Variants in AGBL4 observed in about 807,000 individuals in gnomAD.
AGBL4 encodes the protein cytosolic carboxypeptidase 6.
In AGBL4, 58 loss-of-function variants were observed where a neutral mutation model predicts 66.4. The observed-to-expected ratio is 0.87, with a 90% CI of 0.71 to 1.09. AGBL4 has a LOEUF of 1.09. Ranked by LOEUF, AGBL4 falls within the 50% of genes least tolerant of loss-of-function variation. AGBL4 has a pLI of 0.00. For missense variants in AGBL4, 579 were observed against 631.0 expected (o/e 0.92, Z 0.88); for synonymous variants, 234 against 222.9 (o/e 1.05, Z -0.44).
intron 5 of AGBL4, among the ~76,000 whole-genome samples, chr1:48,921,635 C>T (rs1654085919): frequency 6.6e-6 from 1 of 152,102 alleles, no homozygotes; most frequent in Non-Finnish European, 1.5e-5. Context: ...ATAATATTAA[C>T]AGTATAATCA....
chr1:48,751,039 T>C (rs1651655016), intron 6 of AGBL4, among the ~76,000 whole-genome samples: 1 of 152,226 alleles, frequency 6.6e-6, no homozygotes, highest in Admixed American at 6.5e-5. Flanking sequence ...ATAGCATTCA[T>C]GAAATCCTAT....
intron 3 of AGBL4, among the ~76,000 whole-genome samples, chr1:49,682,795 G>A (rs917852560): frequency 3.9e-5 from 6 of 152,198 alleles, no homozygotes; most frequent in African/African-American, 9.6e-5. Flanking sequence ...ACTGGGCTTC[G>A]CAAATTATGT....
intron 3 of AGBL4, among the ~76,000 whole-genome samples, chr1:49,396,019 T>C (rs1233797723): frequency 6.6e-6 from 1 of 151,412 alleles, no homozygotes; most frequent in Non-Finnish European, 1.5e-5. Context: ...ACCCAGTGTC[T>C]ACATCAACCA....
intron 1 of AGBL4, among the ~76,000 whole-genome samples, chr1:49,943,299 C>T (rs761671585): frequency 1.3e-5 from 2 of 152,136 alleles, no homozygotes; most frequent in Non-Finnish European, 2.9e-5. Flanking sequence ...TTGCAGTTCC[C>T]ACTCCGATGG....
intron 1 of AGBL4, among the ~76,000 whole-genome samples, chr1:49,961,389 T>C (rs1404838899): frequency 2.0e-5 from 3 of 151,922 alleles, no homozygotes; most frequent in Admixed American, 6.6e-5. Flanking sequence ...CCTCTAGTCC[T>C]AGTTACCTGA....
intron 6 of AGBL4, among the ~76,000 whole-genome samples, chr1:48,848,620 T>C (rs1237774364): frequency 6.6e-6 from 1 of 152,172 alleles, no homozygotes; most frequent in Non-Finnish European, 1.5e-5. Context: ...ACCTGCAAAA[T>C]AACATGCTGA....
At chr1:49,834,356 T>C (rs1223518549) in intron 2 of AGBL4, among the ~76,000 whole-genome samples, 1 of 152,354 alleles carries the variant, frequency 6.6e-6, no homozygotes, top group East Asian at 1.9e-4. Context: ...CTAGATATTC[T>C]AATTTATTTG....
intron 3 of AGBL4, among the ~76,000 whole-genome samples, chr1:49,666,048 G>A (rs1027413166): frequency 2.0e-5 from 3 of 150,136 alleles, no homozygotes; most frequent in Admixed American, 6.7e-5. Flanking sequence ...GGCTGAACTC[G>A]AACACCTGGC....
intron 5 of AGBL4, among the ~76,000 whole-genome samples, chr1:48,972,443 T>C (rs923163318): frequency 2.0e-5 from 3 of 152,186 alleles, no homozygotes; most frequent in Non-Finnish European, 2.9e-5. Context: ...ATTTTTTGTA[T>C]GCCTGCTCTA....
At chr1:48,875,529 T>C (rs1458993221) in intron 5 of AGBL4, among the ~76,000 whole-genome samples, 2 of 152,180 alleles carry the variant, frequency 1.3e-5, no homozygotes, top group African/African-American at 2.4e-5. Context: ...CATGTGAGAT[T>C]GCTTCAATAT....
At position 49,696,580 on chromosome 1, in the gene AGBL4, T is replaced by C. The variant is rs548450229; in HGVS notation, c.282+733A>G. ...TATAAAATTACTTCCAGGCTATGTATACAAGATGTATATGAAATATAAATG... is the reference window on the plus strand; with the variant it reads ...TATAAAATTACTTCCAGGCTATGTACACAAGATGTATATGAAATATAAATG... On this transcript the variant is annotated intron_variant, in intron 3 of 13. Coordinates refer to ENST00000371839, the MANE Select transcript of AGBL4 (RefSeq NM_032785.4). 2.0e-5 allele frequency among the ~76,000 whole-genome samples: 3 copies of C among 152,224 alleles called. No homozygotes were observed. In the South Asian group the frequency reaches 6.2e-4, roughly 32 times the overall value.
chr1:49,787,009 G>C (rs1343480291), intron 2 of AGBL4, among the ~76,000 whole-genome samples: 1 of 152,000 alleles, frequency 6.6e-6, no homozygotes, highest in Non-Finnish European at 1.5e-5. Flanking sequence ...AGGTAGTTTT[G>C]TTTCTATAGT....
chr1:48,947,095 C>T (rs1162420156), intron 5 of AGBL4, among the ~76,000 whole-genome samples: 2 of 152,194 alleles, frequency 1.3e-5, no homozygotes, highest in East Asian at 1.9e-4. Flanking sequence ...CTGCACCTTC[C>T]CTGTTACTTC....
chr1:49,532,791 C>A (rs1235926212), intron 3 of AGBL4, among the ~76,000 whole-genome samples: 2 of 151,842 alleles, frequency 1.3e-5, no homozygotes, highest in Non-Finnish European at 2.9e-5. Flanking sequence ...CAAGTGATGG[C>A]ACAGAAATTC....
chr1:48,883,338 G>C (rs1649973379), intron 5 of AGBL4, among the ~76,000 whole-genome samples: 1 of 152,044 alleles, frequency 6.6e-6, no homozygotes, highest in Non-Finnish European at 1.5e-5. Context: ...GTCTCATTGT[G>C]GTCCTCCATG....
At chr1:48,794,391 C>T (rs1471357613) in intron 6 of AGBL4, among the ~76,000 whole-genome samples, 5 of 152,142 alleles carry the variant, frequency 3.3e-5, no homozygotes, top group Non-Finnish European at 7.3e-5. Context: ...CTCACTCATC[C>T]CTGCCTCTCC....
At chr1:49,234,335 C>A (rs1650550562) in intron 4 of AGBL4, among the ~76,000 whole-genome samples, 1 of 152,074 alleles carries the variant, frequency 6.6e-6, no homozygotes, top group Non-Finnish European at 1.5e-5. Context: ...TATATGGGCA[C>A]CTAATCCCAT....
At chr1:49,693,198 C>G (rs1276883495) in intron 3 of AGBL4, among the ~76,000 whole-genome samples, 1 of 152,140 alleles carries the variant, frequency 6.6e-6, no homozygotes, top group Non-Finnish European at 1.5e-5. Flanking sequence ...TATAAACTTT[C>G]TGGCATCAAT....
chr1:49,271,241 G>A (rs1200004818), intron 3 of AGBL4, among the ~76,000 whole-genome samples: 2 of 152,084 alleles, frequency 1.3e-5, no homozygotes, highest in Non-Finnish European at 2.9e-5. Flanking sequence ...GGGACTTTGT[G>A]AATAGATGGT....
Sources: gnomAD v4.1 joint callset for allele counts (sites outside exome capture counted in the v4.1 genomes callset) on GRCh38, gnomAD v4.1.1 for gene constraint, MANE v1.5 for transcripts, NCBI Gene and HGNC (gene_info 2026-07-23, HGNC 2026-07-21) for gene names.